Variants in L3MBTL4 observed in about 807,000 individuals in gnomAD.
L3MBTL4 encodes L3MBTL histone methyl-lysine binding protein 4, also known as lethal(3)malignant brain tumor-like protein 4.
A neutral mutation model predicts 84.5 loss-of-function variants in L3MBTL4; 70 were observed. The ratio of observed to expected loss-of-function variants is 0.83; its 90% confidence interval spans 0.68 to 1.01. The LOEUF (loss-of-function observed/expected upper bound fraction) is 1.01, where lower values mean the gene tolerates loss of function less well. Ranked by LOEUF, L3MBTL4 falls within the 50% of genes least tolerant of loss-of-function variation. The pLI, the probability that L3MBTL4 is intolerant of heterozygous loss-of-function variation, is 0.00. For synonymous variants in L3MBTL4, 274 were observed against 259.8 expected (o/e 1.05, Z -0.52); for missense variants, 715 against 754.8 (o/e 0.95, Z 0.62).
intron 13 of L3MBTL4, among the ~76,000 whole-genome samples, chr18:6,155,606 C>A (rs903979355): frequency 3.3e-5 from 5 of 152,120 alleles, no homozygotes; most frequent in Admixed American, 1.3e-4. Context: ...TACTGCTTTG[C>A]TAAGGAAAAC....
chr18:6,295,850 T>C (rs574983227), intron 4 of L3MBTL4, among the ~76,000 whole-genome samples: 1 of 152,148 alleles, frequency 6.6e-6, no homozygotes, highest in African/African-American at 2.4e-5. Context: ...GTGCTGGAGG[T>C]GGGCCTGGTG....
Position 6,218,816 on chromosome 18 carries a change from G to C in L3MBTL4, c.785-2981C>G, listed in dbSNP as rs535229693. The stretch of plus-strand genomic sequence containing the variant: ...CCTTCCGACCCCAGCCCTGAGTCCT[G>C]GTAGACCTTGGGAAGCAAGAAGTAG... On this transcript the variant is annotated intron_variant, in intron 10 of 18. Transcript: ENST00000317931. 3.3e-5 allele frequency among the ~76,000 whole-genome samples: 5 copies of C among 152,258 alleles called. No individual in the cohort carries two copies. The East Asian group carries it at 9.7e-4, about 29-fold the overall frequency.
At chr18:6,162,176 T>C (rs1407851627) in intron 13 of L3MBTL4, among the ~76,000 whole-genome samples, 1 of 152,178 alleles carries the variant, frequency 6.6e-6, no homozygotes, top group Non-Finnish European at 1.5e-5. Flanking sequence ...CCTACTGTGA[T>C]ATCTTTTGTA....
At chr18:6,197,275 C>A (rs2045444623) in intron 12 of L3MBTL4, among the ~76,000 whole-genome samples, 1 of 152,154 alleles carries the variant, frequency 6.6e-6, no homozygotes. Flanking sequence ...ACATCCAACC[C>A]CTGACAGGCC....
chr18:6,151,284 A>T (rs1319147222), intron 13 of L3MBTL4, among the ~76,000 whole-genome samples: 2 of 152,222 alleles, frequency 1.3e-5, no homozygotes, highest in Non-Finnish European at 2.9e-5. Context: ...CATAAGTCAT[A>T]TTATGGTATT....
chr18:5,998,814 C>T (rs2054092985), intron 16 of L3MBTL4, among the ~76,000 whole-genome samples: 1 of 152,152 alleles, frequency 6.6e-6, no homozygotes, highest in African/African-American at 2.4e-5. Flanking sequence ...CCTTTCTGTC[C>T]TCACTGTCAG....
intron 12 of L3MBTL4, among the ~76,000 whole-genome samples, chr18:6,183,718 G>A (rs2044590316): frequency 6.6e-6 from 1 of 152,104 alleles, no homozygotes; most frequent in Non-Finnish European, 1.5e-5. Flanking sequence ...TGTCCAAAAG[G>A]GATATTTTTG....
At chr18:6,348,474 T>C (rs2053025860) in intron 1 of L3MBTL4, among the ~76,000 whole-genome samples, 1 of 152,014 alleles carries the variant, frequency 6.6e-6, no homozygotes, top group Admixed American at 6.6e-5. Flanking sequence ...AATAAGGAAA[T>C]ACAATAGGGA....
chr18:6,408,982 C>T (rs1197252816), intron 1 of L3MBTL4, among the ~76,000 whole-genome samples: 2 of 152,140 alleles, frequency 1.3e-5, no homozygotes, highest in African/African-American at 4.8e-5. Flanking sequence ...CAGCCTTGCC[C>T]AGTCTTCAAA....
chr18:6,039,977 T>C (rs671001), intron 16 of L3MBTL4, among the ~76,000 whole-genome samples: 5,415 of 152,324 alleles, frequency 0.036, 342 homozygotes, highest in African/African-American at 0.12. Context: ...GGAAAAATTA[T>C]GTATTTTCAA....
chr18:6,249,365 T>C (rs1356919893), intron 5 of L3MBTL4, among the ~76,000 whole-genome samples: 9 of 152,220 alleles, frequency 5.9e-5, no homozygotes, highest in Non-Finnish European at 1.0e-4. Flanking sequence ...AACAGTGTTA[T>C]GTTGAGCAAA....
intron 17 of L3MBTL4, among the ~76,000 whole-genome samples, chr18:5,962,158 T>C (rs2144684129): frequency 6.6e-6 from 1 of 152,220 alleles, no homozygotes. Context: ...CAACATGTGT[T>C]CAAACATGCT....
At position 6,046,493 on chromosome 18, in the gene L3MBTL4, T is replaced by C. The variant is rs1187239228; in HGVS notation, c.1444+34388A>G. Reference sequence around the variant, plus strand: ...ACACAGAACACATTCCAAGATAAACTACATGATTGGCCATAAAGCAAGTCT... The same window carrying C: ...ACACAGAACACATTCCAAGATAAACCACATGATTGGCCATAAAGCAAGTCT... On this transcript the variant is annotated intron_variant, in intron 16 of 18. Transcript: ENST00000317931. 2.0e-5 allele frequency among the ~76,000 whole-genome samples: 3 copies of C among 152,032 alleles called. No homozygotes were observed. In the East Asian group the frequency reaches 5.8e-4, roughly 29 times the overall value.
intron 1 of L3MBTL4, among the ~76,000 whole-genome samples, chr18:6,404,852 A>AT (rs796588434): frequency 0.018 from 2,509 of 142,230 alleles, 29 homozygotes; most frequent in Middle Eastern, 0.13. Flanking sequence ...TGCCTGGATA[A>AT]TTTTTTTTTT....
At chr18:6,291,935 T>A (rs2049883944) in intron 4 of L3MBTL4, among the ~76,000 whole-genome samples, 1 of 152,138 alleles carries the variant, frequency 6.6e-6, no homozygotes, top group Non-Finnish European at 1.5e-5. Context: ...GGGGAAAACA[T>A]TTTCAAACTA....
intron 17 of L3MBTL4, among the ~76,000 whole-genome samples, chr18:5,967,218 T>G (rs1485408734): frequency 6.6e-6 from 1 of 152,216 alleles, no homozygotes. Context: ...CTTTCCTCTG[T>G]GCCCAGGGCC....
chr18:6,271,203 G>C (rs2048852382), intron 4 of L3MBTL4, among the ~76,000 whole-genome samples: 1 of 152,090 alleles, frequency 6.6e-6, no homozygotes, highest in Non-Finnish European at 1.5e-5. Flanking sequence ...ATAGAGTATT[G>C]TACATTTCAA....
At chr18:6,193,524 G>A (rs753417599) in intron 12 of L3MBTL4, among the ~76,000 whole-genome samples, 1 of 152,260 alleles carries the variant, frequency 6.6e-6, no homozygotes, top group Non-Finnish European at 1.5e-5. Flanking sequence ...AGCAGAAAGT[G>A]AAGAGAACCT....
At chr18:6,002,079 A>C (rs2054240742) in intron 16 of L3MBTL4, among the ~76,000 whole-genome samples, 1 of 152,244 alleles carries the variant, frequency 6.6e-6, no homozygotes. Flanking sequence ...AGGAATCTTC[A>C]AGAAAGTTAT....
Sources: gnomAD v4.1 joint callset for allele counts (sites outside exome capture counted in the v4.1 genomes callset) on GRCh38, gnomAD v4.1.1 for gene constraint, MANE v1.5 for transcripts, NCBI Gene and HGNC (gene_info 2026-07-23, HGNC 2026-07-21) for gene names.